The following MYO18B variants were observed in gnomAD, a reference collection of about 807,000 sequenced individuals.
MYO18B encodes myosin XVIIIB.
Under a neutral mutation model 273.0 loss-of-function variants are expected in MYO18B, and 204 were observed. That is an observed-to-expected ratio of 0.75 (90% CI 0.67 to 0.84). The LOEUF is 0.84. Among genes scored for constraint, MYO18B ranks in the 40% least tolerant of loss-of-function variants. The pLI, the probability that MYO18B is intolerant of heterozygous loss-of-function variation, is 0.00. For missense variants in MYO18B, 3,212 were observed against 3,287.6 expected, an observed-to-expected ratio of 0.98 and a Z score of 0.56; for synonymous variants, 1,330 against 1,305.7, an observed-to-expected ratio of 1.02 and a Z score of -0.40.
chr22:25,839,263 T>C (rs2090012429), intron 17 of MYO18B, among the ~76,000 whole-genome samples: 1 of 152,064 alleles, frequency 6.6e-6, no homozygotes, highest in Admixed American at 6.6e-5. Context: ...TGTGTGTGCA[T>C]GTGTGTATAT....
chr22:25,914,686 CTTTTTTTTTT>C (rs3070566), intron 33 of MYO18B, among the ~76,000 whole-genome samples: 23 of 50,844 alleles, frequency 4.5e-4, no homozygotes, highest in East Asian at 1.3e-3. Flanking sequence ...AGTTTTGACT[CTTTTTTTTTT>C]TTTTTTTTTT....
chr22:25,742,950 C>T (rs2085671464), intron 1 of MYO18B, among the ~76,000 whole-genome samples: 1 of 152,150 alleles, frequency 6.6e-6, no homozygotes, highest in South Asian at 2.1e-4. Context: ...TCCCAGTGGC[C>T]CCATAGTGGG....
chr22:25,929,026 A>G (rs142385726), intron 34 of MYO18B, among the ~76,000 whole-genome samples: 2,570 of 152,052 alleles, frequency 0.017, 59 homozygotes, highest in African/African-American at 0.059. Context: ...GCTGGGCATG[A>G]TGGCGCATGC....
At position 26,016,852 on chromosome 22, in the gene MYO18B, G is replaced by A. The variant is rs548134677; in HGVS notation, c.6471-9593G>A. Among the ~76,000 whole-genome samples, 56 of 152,314 alleles carry A rather than the reference G, an allele frequency of 3.7e-4. No homozygotes were observed. In the South Asian group the frequency reaches 0.011, roughly 30 times the overall value. The stretch of plus-strand genomic sequence containing the variant: ...GGAGAGGCCCCAGCCCAGGCCAGAG[G>A]GCGGAAAGGCTTCCTGGGGGAAGCT... On this transcript the variant is annotated intron_variant, in intron 42 of 43. Transcript: ENST00000335473.
intron 15 of MYO18B, among the ~76,000 whole-genome samples, chr22:25,830,521 G>T (rs2089668575): frequency 6.6e-6 from 1 of 152,166 alleles, no homozygotes. Context: ...CTCATGCGTG[G>T]GATCAGCTGG....
At chr22:26,053,241 A>G in the MYO18B span, among the ~76,000 whole-genome samples, 1 of 152,214 alleles carries the variant, frequency 6.6e-6, no homozygotes, top group African/African-American at 2.4e-5. Context: ...GGTTATGCTA[A>G]TATCACTGTC....
intron 35 of MYO18B, among the ~76,000 whole-genome samples, chr22:25,946,971 G>A (rs1368761634): frequency 6.6e-6 from 1 of 152,068 alleles, no homozygotes; most frequent in Non-Finnish European, 1.5e-5. Flanking sequence ...CCCCTATCTG[G>A]GTGTACAGGG....
chr22:26,055,509 G>A, the MYO18B span, among the ~76,000 whole-genome samples: 1 of 152,166 alleles, frequency 6.6e-6, no homozygotes, highest in Admixed American at 6.5e-5. Flanking sequence ...CTGAAAAGGG[G>A]GTGCTTTCTC....
intron 18 of MYO18B, among the ~76,000 whole-genome samples, chr22:25,845,151 TAG>T (rs1455561938): frequency 6.6e-6 from 1 of 152,200 alleles, no homozygotes; most frequent in Non-Finnish European, 1.5e-5. Flanking sequence ...GATGACCTAT[TAG>T]AGAGCCCGGT....
chr22:25,745,212 C>G (rs1296015669), intron 1 of MYO18B, among the ~76,000 whole-genome samples: 1 of 152,060 alleles, frequency 6.6e-6, no homozygotes, highest in Non-Finnish European at 1.5e-5. Context: ...GAGGTTTAAG[C>G]CATCCTCCCA....
intron 34 of MYO18B, among the ~76,000 whole-genome samples, chr22:25,931,515 A>G (rs933911597): frequency 2.0e-5 from 3 of 152,150 alleles, no homozygotes; most frequent in African/African-American, 7.2e-5. Context: ...AGTGCAGTGA[A>G]TTCTGCAATG....
chr22:25,773,495 T>G (rs143683316), intron 7 of MYO18B, among the ~76,000 whole-genome samples: 2,284 of 152,174 alleles, frequency 0.015, 54 homozygotes, highest in African/African-American at 0.051. Context: ...ACGGAGTCTC[T>G]CTGTGTCGCC....
intron 36 of MYO18B, among the ~76,000 whole-genome samples, chr22:25,950,080 G>A (rs1488862231): frequency 6.6e-6 from 1 of 152,150 alleles, no homozygotes. Context: ...TGGTCCTAGT[G>A]CCATGGCCAG....
intron 34 of MYO18B, among the ~76,000 whole-genome samples, chr22:25,938,413 G>C (rs1337344541): frequency 2.0e-5 from 3 of 152,222 alleles, no homozygotes; most frequent in Non-Finnish European, 4.4e-5. Flanking sequence ...CAGGAACAGA[G>C]ACTAGTGTGT....
intron 8 of MYO18B, among the ~76,000 whole-genome samples, chr22:25,778,906 C>T (rs1405225969): frequency 6.6e-6 from 1 of 151,964 alleles, no homozygotes; most frequent in Non-Finnish European, 1.5e-5. Context: ...CCTGATGTCA[C>T]ACAGCAAATA....
chr22:25,803,480 A>G (rs1439488669), intron 12 of MYO18B, among the ~76,000 whole-genome samples: 1 of 152,090 alleles, frequency 6.6e-6, no homozygotes, highest in Admixed American at 6.5e-5. Flanking sequence ...TGTATGCCCC[A>G]AACTGGCTTG....
At chr22:25,901,172 T>G (rs1192791605) in intron 29 of MYO18B, 2 of 152,084 alleles carry the variant, frequency 1.3e-5, no homozygotes, top group African/African-American at 4.8e-5. Flanking sequence ...TATGATTGGG[T>G]CTCTCAGAAG....
At chr22:25,856,778 G>A (rs1347376541) in intron 21 of MYO18B, among the ~76,000 whole-genome samples, 1 of 152,198 alleles carries the variant, frequency 6.6e-6, no homozygotes, top group East Asian at 1.9e-4. Context: ...TTTGACAGAA[G>A]CAAATTCTGG....
intron 39 of MYO18B, chr22:25,959,355 C>T (rs976098626): frequency 6.6e-6 from 1 of 151,338 alleles, no homozygotes; most frequent in African/African-American, 2.4e-5. Context: ...TCATTGCAGC[C>T]TCCAACTCCT....
Sources: gnomAD v4.1 joint callset for allele counts (sites outside exome capture counted in the v4.1 genomes callset) on GRCh38, gnomAD v4.1.1 for gene constraint, MANE v1.5 for transcripts, NCBI Gene and HGNC (gene_info 2026-07-23, HGNC 2026-07-21) for gene names.